SEC24D: variants seen among roughly 807,000 people sequenced by gnomAD.
SEC24D encodes the protein SEC24 homolog D, COPII component, also known as protein transport protein Sec24D.
A neutral mutation model predicts 116.9 loss-of-function variants in SEC24D; 69 were observed. The observed-to-expected ratio is 0.59, with a 90% CI of 0.49 to 0.72. The LOEUF is 0.72. Ranked by LOEUF, SEC24D falls within the 30% of genes least tolerant of loss-of-function variation. SEC24D has a pLI of 0.00. For missense variants in SEC24D, 1,131 were observed against 1,264.1 expected (o/e 0.89, Z 1.60); for synonymous variants, 405 against 442.8 (o/e 0.91, Z 1.07).
intron 8 of SEC24D, among the ~76,000 whole-genome samples, chr4:118,772,573 T>C (rs1036377218): frequency 6.6e-6 from 1 of 152,168 alleles, no homozygotes; most frequent in African/African-American, 2.4e-5. Context: ...CTTGAGTATA[T>C]GTAGGGAAAC....
In SEC24D at chr4:118,723,676, C is replaced by G. The variant is rs200201231; in HGVS notation, c.2959-21G>C. 1,856 of 1,590,582 alleles carry G rather than the reference C, an allele frequency of 1.2e-3. 42 individuals are homozygous for G. Among genetic ancestry groups the G allele is most frequent in the Admixed American group, 2.4e-4 (13 of 53,826 alleles). ...GTGAGCTAGGAAAAAAAAAACAAAA[C>G]AGTAACAGCCCCTGGTTATAAACAT... On this transcript the variant is annotated intron_variant, in intron 22 of 22. Coordinates refer to ENST00000280551, the MANE Select transcript of SEC24D (RefSeq NM_014822.4).
intron 22 of SEC24D, among the ~76,000 whole-genome samples, chr4:118,726,701 A>C (rs953897746): frequency 4.6e-5 from 7 of 152,290 alleles, no homozygotes; most frequent in African/African-American, 1.7e-4. Flanking sequence ...AGCACAGAGA[A>C]CTGTGCAGGG....
intron 15 of SEC24D, among the ~76,000 whole-genome samples, chr4:118,742,374 G>GGC (rs978076812): frequency 4.1e-5 from 3 of 72,634 alleles, no homozygotes; most frequent in Non-Finnish European, 9.9e-5. Context: ...TTGGAAAAGT[G>GGC]GGGGGGGGAA....
At position 118,723,562 on chromosome 4, in the gene SEC24D, C is replaced by T. The variant is rs532948364; in HGVS notation, c.3052G>A (p.Asp1018Asn). Residue 1018 changes from aspartate to asparagine, a missense_variant, in exon 23 of 23, where the codon GAT becomes AAT. Physicochemically the swap from Asp to Asn is conservative, Grantham distance 23. Coordinates refer to ENST00000280551, the MANE Select transcript of SEC24D (RefSeq NM_014822.4). Reference protein sequence around the residue: ...KGLYGGSSYVDFLCCVHKEIC... With the variant: ...KGLYGGSSYVNFLCCVHKEIC... ...TCCTTGTGAACACAACAAAGGAAAT[C>T]CACATAAGAAGAGCCTCCGTAAAGT... 12 of 1,613,774 alleles carry T rather than the reference C, an allele frequency of 7.4e-6. No individual in the cohort carries two copies. In the East Asian group the frequency reaches 8.9e-5, roughly 12 times the overall value.
intron 8 of SEC24D, among the ~76,000 whole-genome samples, chr4:118,793,996 T>C (rs1434903999): frequency 2.0e-5 from 3 of 152,192 alleles, no homozygotes; most frequent in Non-Finnish European, 2.9e-5. Context: ...AGAAATAAGC[T>C]ACCATTCTAA....
chr4:118,793,573 G>A (rs1003560835), intron 8 of SEC24D, among the ~76,000 whole-genome samples: 1 of 151,914 alleles, frequency 6.6e-6, no homozygotes, highest in Non-Finnish European at 1.5e-5. Flanking sequence ...CCTAATGTTG[G>A]TGGCTCTCCA....
At chr4:118,777,311 T>G (rs2110482286) in intron 8 of SEC24D, among the ~76,000 whole-genome samples, 1 of 152,242 alleles carries the variant, frequency 6.6e-6, no homozygotes, top group East Asian at 1.9e-4. Context: ...TTTCCCACCC[T>G]GTGTCCAAGT....
At chr4:118,805,193 A>G (rs536042278) in intron 7 of SEC24D, among the ~76,000 whole-genome samples, 23 of 152,286 alleles carry the variant, frequency 1.5e-4, no homozygotes, top group African/African-American at 5.3e-4. Context: ...GGCTAGCTCA[A>G]CAACTCTGGG....
rs186632601 is a variant in SEC24D at position 118,770,667 on chromosome 4, T to C, written c.1042-2356A>G. Among the ~76,000 whole-genome samples the C allele has an allele frequency of 2.6e-4, 39 of 152,250 alleles. No individual in the cohort carries two copies. The East Asian group carries it at 6.2e-3, about 24-fold the overall frequency. The stretch of plus-strand genomic sequence containing the variant: ...AATTATATGCTAGACAAGCCAAAAG[T>C]AATGGAAGCAAATTTGACCTTATTA... On this transcript the variant is annotated intron_variant, in intron 8 of 22. Coordinates refer to ENST00000280551, the MANE Select transcript of SEC24D (RefSeq NM_014822.4).
intron 2 of SEC24D, among the ~76,000 whole-genome samples, chr4:118,830,851 A>C (rs1730818759): frequency 6.6e-6 from 1 of 152,146 alleles, no homozygotes; most frequent in East Asian, 1.9e-4. Flanking sequence ...TATTGGAGAG[A>C]GGGATAATAG....
chr4:118,827,226 G>A (rs1206266165), intron 2 of SEC24D, among the ~76,000 whole-genome samples: 1 of 152,148 alleles, frequency 6.6e-6, no homozygotes, highest in African/African-American at 2.4e-5. Flanking sequence ...GGGTCAGACT[G>A]CAAAGTCCTA....
At chr4:118,760,022 T>C (rs957008343) in intron 10 of SEC24D, among the ~76,000 whole-genome samples, 2 of 152,210 alleles carry the variant, frequency 1.3e-5, no homozygotes, top group Admixed American at 1.3e-4. Flanking sequence ...TAACCTGGGC[T>C]TGAAATCTCA....
At chr4:118,835,139 T>A (rs1488099091) in intron 1 of SEC24D, among the ~76,000 whole-genome samples, 1 of 152,122 alleles carries the variant, frequency 6.6e-6, no homozygotes, top group Non-Finnish European at 1.5e-5. Context: ...GTCAAGCTCA[T>A]CCAACCAAGA....
In SEC24D at chr4:118,732,721, C is replaced by T. The variant is rs763267310; in HGVS notation, c.2676+12G>A. 2 of 1,612,898 alleles carry T rather than the reference C, an allele frequency of 1.2e-6. No individual in the cohort carries two copies. The highest frequency in any genetic ancestry group is 1.7e-6 in the Non-Finnish European group (2 of 1,179,308). ...GCCTCCTCTGGGAAATGCACCACCC[C>T]AGCATGCTTACTATGGGCAGAAGTT... On this transcript the variant is annotated intron_variant, in intron 20 of 22. Coordinates refer to ENST00000280551, the MANE Select transcript of SEC24D (RefSeq NM_014822.4).
At chr4:118,787,281 T>A (rs1465639682) in intron 8 of SEC24D, among the ~76,000 whole-genome samples, 1 of 152,234 alleles carries the variant, frequency 6.6e-6, no homozygotes, top group South Asian at 2.1e-4. Flanking sequence ...AGTTTTTATG[T>A]TGACACTTTA....
At chr4:118,741,112 TGA>T (rs1454375089) in intron 15 of SEC24D, 75 bp from the exon 16 acceptor site, 5 of 678,216 alleles carry the variant, frequency 7.4e-6, no homozygotes, top group Admixed American at 6.5e-5. Context: ...ATTTTAATCC[TGA>T]GTTATAATAA....
chr4:118,771,182 A>C (rs894787610), intron 8 of SEC24D, among the ~76,000 whole-genome samples: 5 of 152,206 alleles, frequency 3.3e-5, no homozygotes, highest in Non-Finnish European at 7.4e-5. Flanking sequence ...TTTAAAAAAA[A>C]ATCAAGTTAC....
At chr4:118,794,846 G>A (rs551643127) in intron 8 of SEC24D, among the ~76,000 whole-genome samples, 2 of 152,240 alleles carry the variant, frequency 1.3e-5, no homozygotes, top group South Asian at 4.2e-4. Context: ...CTGTTTTAAA[G>A]GAGGTAGCTC....
Position 118,728,561 on chromosome 4 carries a change from C to T in SEC24D, c.2958G>A (p.Lys986=). 2 of 1,582,576 alleles carry T rather than the reference C, an allele frequency of 1.3e-6. No homozygotes were observed. Among genetic ancestry groups the T allele is most frequent in the Middle Eastern group, 1.7e-4 (1 of 5,936 alleles). ...GGGAAAAATAAAATTGCTTTCTTAC[C>T]TTCATTGAATATGGCCTCTTTTGTT... The part of the protein sequence containing the change: ...IIQQKRPYSM[K]LTIVKQREQP... The change falls in exon 22 of 23, where the codon AAG becomes AAA. Residue 986 remains lysine (K), a splice_region_variant and synonymous_variant. Transcript: ENST00000280551.
Sources: gnomAD v4.1 joint callset for allele counts (sites outside exome capture counted in the v4.1 genomes callset) on GRCh38, gnomAD v4.1.1 for gene constraint, MANE v1.5 for transcripts, NCBI Gene and HGNC (gene_info 2026-07-23, HGNC 2026-07-21) for gene names.